PNCK: variants seen among roughly 807,000 people sequenced by gnomAD.
The protein encoded by PNCK is calcium/calmodulin-dependent protein kinase type 1B.
A neutral mutation model predicts 28.3 loss-of-function variants in PNCK; 21 were observed. The observed-to-expected ratio is 0.74, with a 90% CI of 0.53 to 1.07. PNCK has a LOEUF of 1.07. PNCK is among the 50% of genes least tolerant of loss of function. PNCK has a pLI of 0.00. For missense variants in PNCK, 250 were observed against 298.3 expected (o/e 0.84, Z 1.19); for synonymous variants, 136 against 125.2 (o/e 1.09, Z -0.58).
intron 1 of PNCK, among the ~76,000 whole-genome samples, chrX:153,681,076 A>ACCG (rs1364380982): frequency 9.1e-6 from 1 of 110,308 alleles, no homozygotes; most frequent in African/African-American, 3.3e-5. Flanking sequence ...GAGCCAACCG[A>ACCG]AAGAGAGTCC....
Position 153,671,165 on chromosome X carries a change from C to T in PNCK, c.640G>A (p.Asp214Asn), listed in dbSNP as rs1176043604. Residue 214 changes from aspartate to asparagine, a missense_variant, in exon 8 of 12, where the codon GAC (aspartate) becomes AAC (asparagine). Transcript: ENST00000340888. ...ILLCGYPPFY[D>N]ESDPELFSQI... is the part of the protein sequence containing the mutation. The stretch of plus-strand genomic sequence containing the variant: ...CTGAAGAGCTCAGGGTCGCTCTCGT[C>T]GTAGAAGGGGGGGTACCCACACAGC... 1 of 1,211,722 alleles carries T rather than the reference C, an allele frequency of 8.3e-7. No homozygotes were observed. Among genetic ancestry groups the T allele is most frequent in the Non-Finnish European group, 1.1e-6 (1 of 895,519 alleles).
chrX:153,669,976 G>A lies in PNCK; in HGVS notation c.*162C>T. On this transcript the variant is annotated 3_prime_UTR_variant, in exon 12 of 12. Coordinates refer to ENST00000340888, the MANE Select transcript of PNCK (RefSeq NM_001366977.1). ...CAGGGCAGAGCCTGGGGACAGACTT[G>A]GGGGTGCCCCATTCCAACCCCAGCG... 3.1e-6 allele frequency: 1 copy of A among 317,464 alleles called. No homozygotes were observed. Among genetic ancestry groups the A allele is most frequent in the Non-Finnish European group, 6.3e-6 (1 of 159,061 alleles). 26.2% of individuals were successfully genotyped at this position (317,464 alleles called of 1,213,427 possible).
chrX:153,677,706 A>G (rs782715597), upstream of PNCK, among the ~76,000 whole-genome samples: 1 of 93,837 alleles, frequency 1.1e-5, no homozygotes, highest in African/African-American at 4.9e-5. Context: ...TAGTGTGTGT[A>G]TATATATAGT....
rs782720674 is a variant in PNCK, at chrX:153,672,998, C to T, written c.68+11G>A. The stretch of plus-strand genomic sequence containing the variant: ...ACACACACACGATCACACACGCGCG[C>T]GCACACTCACGAGCCGAGCCTCTCG... On this transcript the variant is annotated intron_variant, in intron 2 of 11. Coordinates refer to ENST00000340888, the MANE Select transcript of PNCK (RefSeq NM_001366977.1). 1.3e-4 allele frequency: 155 copies of T among 1,174,155 alleles called. 1 individual carries two copies. Among genetic ancestry groups the T allele is most frequent in the Admixed American group, 1.1e-3 (43 of 40,843 alleles).
rs144467645 is a variant in PNCK, at chrX:153,682,453, A to G, written c.-3+4978T>C. On this transcript the variant is annotated intron_variant, in intron 1 of 3. Transcript: ENST00000419804. Reference sequence around the variant, plus strand: ...TGTCACCGCCCCAGCTAATTTTTAAATTTTTTGTAGAGACAAGGTTTCGCT... The same window carrying G: ...TGTCACCGCCCCAGCTAATTTTTAAGTTTTTTGTAGAGACAAGGTTTCGCT... 2.0e-3 allele frequency among the ~76,000 whole-genome samples: 225 copies of G among 111,100 alleles called. 1 individual carries two copies. The highest frequency in any genetic ancestry group is 2.9e-3 in the Non-Finnish European group (151 of 52,851).
intron 1 of PNCK, among the ~76,000 whole-genome samples, chrX:153,682,898 G>A (rs1051991245): frequency 9.0e-6 from 1 of 111,621 alleles, no homozygotes; most frequent in Non-Finnish European, 1.9e-5. Context: ...CTCTCTTTTC[G>A]GACTCAGCCT....
upstream of PNCK, among the ~76,000 whole-genome samples, chrX:153,677,669 ATATAGT>A (rs1557041868): frequency 8.1e-5 from 7 of 86,102 alleles, no homozygotes; most frequent in South Asian, 2.2e-3. Flanking sequence ...GTGTATATAT[ATATAGT>A]GTGTATATAT....
intron 1 of PNCK, among the ~76,000 whole-genome samples, chrX:153,683,145 T>G (rs1320865024): frequency 8.9e-6 from 1 of 112,423 alleles, no homozygotes; most frequent in African/African-American, 3.2e-5. Context: ...TATTTATTTA[T>G]TTTTTATTTT....
At position 153,673,012 on chromosome X, in the gene PNCK, C is replaced by A; in HGVS notation, c.65G>T (p.Gly22Val). 8.4e-7 allele frequency: 1 copy of A among 1,188,876 alleles called. No individual in the cohort carries two copies. Among genetic ancestry groups the A allele is most frequent in the Non-Finnish European group, 1.1e-6 (1 of 882,303 alleles). The change falls in exon 2 of 12, where the codon GGC (glycine) becomes GTC (valine). Residue 22 changes from glycine to valine, a missense_variant. By Grantham distance (109) the Gly-to-Val change is moderately radical (BLOSUM62 -3). Transcript: ENST00000340888. ...ACACACGCGCGCGCACACTCACGAG[C>A]CGAGCCTCTCGCGGATCTCGTAGAC... The part of the protein sequence containing the change: ...SSVYEIRERL[G>V]SGAFSEVVLA...
intron 2 of PNCK, 49 bp downstream of exon 2, chrX:153,672,960 C>A: frequency 1.1e-6 from 1 of 884,590 alleles, no homozygotes; most frequent in Non-Finnish European, 1.5e-6. Context: ...CAGGTACACA[C>A]ACACACACAC....
chrX:153,670,786 G>C lies in PNCK; in HGVS notation c.852C>G (p.Val284=). The change falls in exon 10 of 12, where the codon GTC becomes GTG. Residue 284 remains valine, a synonymous_variant. Coordinates refer to ENST00000340888, the MANE Select transcript of PNCK (RefSeq NM_001366977.1). ...CAAAGTTCTTCCGGATCTGCTCACT[G>C]ACAGAGCCTAAGATGTCCCTGTCGA... ...TAFDRDILGS[V]SEQIRKNFAR... 1 of 1,211,358 alleles carries C rather than the reference G, an allele frequency of 8.3e-7. No individual in the cohort carries two copies. Among genetic ancestry groups the C allele is most frequent in the South Asian group, 1.8e-5 (1 of 56,961 alleles).
chrX:153,673,225 C>G (rs894043499), intron 1 of PNCK, 147 bp from the exon 2 acceptor site: 1 of 1,198,276 alleles, frequency 8.3e-7, no homozygotes, highest in Non-Finnish European at 1.1e-6. Flanking sequence ...TCCACACCCC[C>G]AGACGGACGC....
chrX:153,685,233 G>C (rs1454068094), intron 1 of PNCK, among the ~76,000 whole-genome samples: 1 of 110,875 alleles, frequency 9.0e-6, no homozygotes. Context: ...CGAGCCTGAC[G>C]CGCCTTGACA....
At position 153,670,123 on chromosome X, in the gene PNCK, G is replaced by A; in HGVS notation, c.*15C>T. On this transcript the variant is annotated 3_prime_UTR_variant, in exon 12 of 12. Coordinates refer to ENST00000340888, the MANE Select transcript of PNCK (RefSeq NM_001366977.1). ...CTGGGGGTCAGTCCACTTGGCCTCGGCATCTGCCTGAGAGGGAGAAGCAGA... is the reference window on the plus strand; with the variant it reads ...CTGGGGGTCAGTCCACTTGGCCTCGACATCTGCCTGAGAGGGAGAAGCAGA... The A allele has an allele frequency of 3.0e-6, 1 of 335,059 alleles. No individual in the cohort carries two copies. Among genetic ancestry groups the A allele is most frequent in the African/African-American group, 2.6e-5 (1 of 38,513 alleles). The allele number at this position is 335,059 out of a possible 1,213,427, so 27.6% of individuals were successfully genotyped here.
intron 1 of PNCK, among the ~76,000 whole-genome samples, chrX:153,682,303 C>G (rs2091398917): frequency 9.0e-6 from 1 of 111,031 alleles, no homozygotes; most frequent in Admixed American, 9.6e-5. Flanking sequence ...TGTTTTGAGG[C>G]AGGGTGTCGC....
In PNCK at chrX:153,672,166, C is replaced by T. The variant is rs781858294; in HGVS notation, c.235G>A (p.Val79Ile). 16 of 1,205,114 alleles carry T rather than the reference C, an allele frequency of 1.3e-5. No homozygotes were observed. The Admixed American group carries it at 3.5e-4, about 27-fold the overall frequency. Residue 79 changes from valine (V) to isoleucine (I), a missense_variant, in exon 4 of 12, where the codon GTC becomes ATC. By Grantham distance (29) the Val-to-Ile change is conservative (BLOSUM62 3). Transcript: ENST00000340888. ...SHPNIVALED[V>I]HESPSHLYLA... Reference sequence around the variant, plus strand: ...TAGAGGTGGGAAGGGCTCTCGTGGACATCCTCCAGAGCGACGATGTTGGGG... The same window carrying T: ...TAGAGGTGGGAAGGGCTCTCGTGGATATCCTCCAGAGCGACGATGTTGGGG...
intron 3 of PNCK, 44 bp downstream of exon 3, chrX:153,672,522 C>G (rs782053032): frequency 5.1e-6 from 6 of 1,185,966 alleles, no homozygotes; most frequent in Non-Finnish European, 6.8e-6. Context: ...CTTGCACCCC[C>G]CCATCGACCT....
upstream of PNCK, chrX:153,675,365 C>T (rs2091359291): frequency 8.9e-6 from 1 of 112,079 alleles, no homozygotes; most frequent in Admixed American, 9.5e-5. Context: ...CAGATGGAAA[C>T]TGGAGGCCAG....
chrX:153,687,715 C>T (rs2091427355), upstream of PNCK: 1 of 282,498 alleles, frequency 3.5e-6, no homozygotes, highest in Non-Finnish European at 6.7e-6. Flanking sequence ...GAGCTGGCGG[C>T]CGCCCCAGGT....
Sources: allele counts gnomAD v4.1 joint callset (sites outside exome capture counted in the v4.1 genomes callset), GRCh38; gene constraint gnomAD v4.1.1; transcripts MANE v1.5; gene names NCBI Gene and HGNC (gene_info 2026-07-23, HGNC 2026-07-21).